The following ENTHD1 variants were observed in gnomAD, a reference collection of about 807,000 sequenced individuals.
ENTHD1 encodes the protein ENTH domain containing 1.
In ENTHD1, 23 loss-of-function variants were observed where a neutral mutation model predicts 39.1. The ratio of observed to expected loss-of-function variants is 0.59; its 90% CI spans 0.42 to 0.83. The LOEUF (loss-of-function observed/expected upper bound fraction) is 0.83. Ranked by LOEUF, ENTHD1 falls within the 40% of genes least tolerant of loss-of-function variation. The pLI is 0.00. For synonymous variants in ENTHD1, 230 were observed against 258.2 expected, an observed-to-expected ratio of 0.89 and a Z score of 1.05; for missense variants, 624 against 705.4, an observed-to-expected ratio of 0.88 and a Z score of 1.31.
chr22:39,749,813 A>C (rs532210857), intron 6 of ENTHD1, among the ~76,000 whole-genome samples: 1 of 152,334 alleles, frequency 6.6e-6, no homozygotes, highest in South Asian at 2.1e-4. Flanking sequence ...CATGCCGCCT[A>C]GGGAGTTACC....
intron 2 of ENTHD1, among the ~76,000 whole-genome samples, chr22:39,862,546 CAAAAA>C (rs553393294): frequency 2.8e-5 from 2 of 70,378 alleles, no homozygotes; most frequent in Non-Finnish European, 5.6e-5. Flanking sequence ...GACTCTGTCT[CAAAAA>C]AAAAAAAAAA....
In ENTHD1 at chr22:39,887,898, A is replaced by G; in HGVS notation, c.-150T>C. On this transcript the variant is annotated 5_prime_UTR_variant, in exon 2 of 7. Coordinates refer to ENST00000325157, the MANE Select transcript of ENTHD1 (RefSeq NM_152512.4). ...TTAATCTCTATGTTGATAAAGTATCAATTTCCTGCAAGGAAAGCACAAAAA... is the reference window on the plus strand; with the variant it reads ...TTAATCTCTATGTTGATAAAGTATCGATTTCCTGCAAGGAAAGCACAAAAA... 1 of 564,330 alleles carries G rather than the reference A, an allele frequency of 1.8e-6. No individual in the cohort carries two copies. Among genetic ancestry groups the G allele is most frequent in the Non-Finnish European group, 2.9e-6 (1 of 341,762 alleles). 35.0% of individuals were successfully genotyped at this position (564,330 alleles called of 1,614,324 possible).
In ENTHD1 at chr22:39,828,998, G is replaced by C. The variant is rs531211277; in HGVS notation, c.711+6842C>G. ...GAGGTTTCTACTTACATTTTTAAGA[G>C]ATATTTTAAGCGCCCCTCATTCTGC... On this transcript the variant is annotated intron_variant, in intron 4 of 6. Coordinates refer to ENST00000325157, the MANE Select transcript of ENTHD1 (RefSeq NM_152512.4). 1.1e-4 allele frequency among the ~76,000 whole-genome samples: 17 copies of C among 152,272 alleles called. No individual in the cohort carries two copies. The South Asian group carries it at 3.3e-3, about 30-fold the overall frequency.
chr22:39,793,743 A>C (rs2065524210), intron 5 of ENTHD1, among the ~76,000 whole-genome samples: 1 of 152,168 alleles, frequency 6.6e-6, no homozygotes, highest in Non-Finnish European at 1.5e-5. Context: ...TATTCTTGGC[A>C]TCTTTGTTGA....
In ENTHD1 at chr22:39,765,365, C is replaced by T. The variant is rs1730749425; in HGVS notation, c.1077G>A (p.Gln359=). The T allele has an allele frequency of 1.9e-6, 3 of 1,613,988 alleles. No individual in the cohort carries two copies. Among genetic ancestry groups the T allele is most frequent in the Non-Finnish European group, 2.5e-6 (3 of 1,179,970 alleles). The change falls in exon 6 of 7, where the codon CAG becomes CAA. Residue 359 remains glutamine, a synonymous_variant. Transcript: ENST00000325157. ...VSKSDSTFHN[Q]ASVETLCLSP... ...AGAGACAGAGTGTTTCTACAGAGGC[C>T]TGGTTATGGAAAGTAGAATCTGACT...
At chr22:39,872,664 G>C (rs2066253205) in intron 2 of ENTHD1, among the ~76,000 whole-genome samples, 1 of 152,170 alleles carries the variant, frequency 6.6e-6, no homozygotes, top group African/African-American at 2.4e-5. Context: ...CAACTGGTAT[G>C]AGCACATCCC....
intron 2 of ENTHD1, among the ~76,000 whole-genome samples, chr22:39,870,457 A>G (rs568620089): frequency 3.3e-5 from 5 of 152,352 alleles, no homozygotes; most frequent in East Asian, 1.9e-4. Flanking sequence ...GGTAATAGAA[A>G]AAAAGCAATA....
At chr22:39,797,992 A>G (rs2065564762) in intron 5 of ENTHD1, among the ~76,000 whole-genome samples, 1 of 152,112 alleles carries the variant, frequency 6.6e-6, no homozygotes, top group African/African-American at 2.4e-5. Flanking sequence ...AGACTTAGAA[A>G]GTTTTCAGCT....
At chr22:39,784,289 T>C (rs2065436308) in intron 5 of ENTHD1, among the ~76,000 whole-genome samples, 1 of 152,168 alleles carries the variant, frequency 6.6e-6, no homozygotes, top group Non-Finnish European at 1.5e-5. Flanking sequence ...TGGCGTATAC[T>C]GTTGGTGGGA....
intron 5 of ENTHD1, among the ~76,000 whole-genome samples, chr22:39,807,272 C>T (rs1450683812): frequency 1.3e-5 from 2 of 152,088 alleles, no homozygotes; most frequent in East Asian, 3.9e-4. Context: ...TCAAAGGCTC[C>T]CCATTGTTTT....
At chr22:39,850,627 A>T (rs2066027815) in intron 3 of ENTHD1, among the ~76,000 whole-genome samples, 1 of 151,104 alleles carries the variant, frequency 6.6e-6, no homozygotes, top group South Asian at 2.1e-4. Flanking sequence ...ATAAAATTTT[A>T]TTTTTTTCTC....
At chr22:39,750,592 A>T (rs2065140162) in intron 6 of ENTHD1, 1 of 153,062 alleles carries the variant, frequency 6.5e-6, no homozygotes, top group South Asian at 2.1e-4. Flanking sequence ...ACTGAAAAAC[A>T]GTACAAATTC....
intron 5 of ENTHD1, among the ~76,000 whole-genome samples, chr22:39,807,242 A>G (rs182095593): frequency 2.0e-5 from 3 of 152,248 alleles, no homozygotes; most frequent in Non-Finnish European, 4.4e-5. Flanking sequence ...TGGCTGTATC[A>G]TGTCCTTGCT....
intron 6 of ENTHD1, 50 bp downstream of exon 6, chr22:39,765,173 T>C (rs1267598481): frequency 1.4e-6 from 2 of 1,463,380 alleles, no homozygotes; most frequent in Admixed American, 5.2e-5. Context: ...AAGAGGTTTT[T>C]TGTTGTGTGT....
At chr22:39,849,730 T>A (rs1287090402) in intron 3 of ENTHD1, among the ~76,000 whole-genome samples, 1 of 152,210 alleles carries the variant, frequency 6.6e-6, no homozygotes, top group Non-Finnish European at 1.5e-5. Flanking sequence ...TGATTTTATG[T>A]TTTGATGTTA....
At chr22:39,778,397 C>T (rs2065382209) in intron 5 of ENTHD1, among the ~76,000 whole-genome samples, 1 of 152,178 alleles carries the variant, frequency 6.6e-6, no homozygotes, top group South Asian at 2.1e-4. Context: ...ATATGAAGAA[C>T]TATAACTCTC....
At chr22:39,778,716 C>T (rs1354248377) in intron 5 of ENTHD1, among the ~76,000 whole-genome samples, 1 of 152,152 alleles carries the variant, frequency 6.6e-6, no homozygotes, top group East Asian at 1.9e-4. Flanking sequence ...TTGTATGGTC[C>T]TTGTTCTTAC....
chr22:39,885,425 A>G (rs908440266), intron 2 of ENTHD1, among the ~76,000 whole-genome samples: 5 of 152,238 alleles, frequency 3.3e-5, no homozygotes, highest in African/African-American at 1.2e-4. Context: ...TGGTACAGCC[A>G]CTATGGAAAA....
At chr22:39,785,678 A>C (rs2065451132) in intron 5 of ENTHD1, among the ~76,000 whole-genome samples, 1 of 152,140 alleles carries the variant, frequency 6.6e-6, no homozygotes, top group South Asian at 2.1e-4. Flanking sequence ...CTAACCTCCC[A>C]GTCCCCAAAC....
Sources: gnomAD v4.1 joint callset for allele counts (sites outside exome capture counted in the v4.1 genomes callset) on GRCh38, gnomAD v4.1.1 for gene constraint, MANE v1.5 for transcripts, NCBI Gene and HGNC (gene_info 2026-07-23, HGNC 2026-07-21) for gene names.